Variants in TUBGCP3 observed in about 807,000 individuals in gnomAD.
TUBGCP3 encodes the protein gamma-tubulin complex component 3.
A neutral mutation model predicts 123.1 loss-of-function variants in TUBGCP3; 50 were observed. That is an observed-to-expected ratio of 0.41 (90% CI 0.32 to 0.51). The LOEUF is 0.51. Among genes scored for constraint, TUBGCP3 ranks in the 20% least tolerant of loss-of-function variants. TUBGCP3 has a pLI of 0.36. For synonymous variants in TUBGCP3, 405 were observed against 413.9 expected, an observed-to-expected ratio of 0.98 and a Z score of 0.26; for missense variants, 882 against 1,127.0, an observed-to-expected ratio of 0.78 and a Z score of 3.11.
intron 3 of TUBGCP3, among the ~76,000 whole-genome samples, chr13:112,560,286 T>C (rs1015368679): frequency 4.5e-4 from 68 of 151,016 alleles, no homozygotes; most frequent in Non-Finnish European, 6.2e-4. Flanking sequence ...AAAAATTAGC[T>C]GGGCGTAGTG....
chr13:112,492,190 A>G (rs1397346626), intron 20 of TUBGCP3, among the ~76,000 whole-genome samples: 2 of 152,134 alleles, frequency 1.3e-5, no homozygotes, highest in Non-Finnish European at 2.9e-5. Flanking sequence ...TTTTAGAAAC[A>G]TTCTATTCAT....
intron 17 of TUBGCP3, among the ~76,000 whole-genome samples, chr13:112,510,859 G>C (rs1881631983): frequency 6.6e-6 from 1 of 152,124 alleles, no homozygotes; most frequent in African/African-American, 2.4e-5. Context: ...ATCTGTATTT[G>C]TATGTTTCAC....
Position 112,554,992 on chromosome 13 carries a change from A to C in TUBGCP3, c.735T>G (p.Ile245Met). 6.2e-7 allele frequency: 1 copy of C among 1,601,532 alleles called. No individual in the cohort carries two copies. Among genetic ancestry groups the C allele is most frequent in the Non-Finnish European group, 8.5e-7 (1 of 1,175,552 alleles). ...TGTCCCTTACCAGAGCTGCTTCTGT[A>C]ATTTCCATAGTACCTGCAAAATCAT... is the stretch of plus-strand genomic sequence containing the variant. ...REGDTGGTME[I>M]TEAALVRDIL... Residue 245 changes from isoleucine (I) to methionine (M), a missense_variant, in exon 7 of 22, where the codon ATT (isoleucine) becomes ATG (methionine). Ile to Met is a conservative substitution (Grantham distance 10). Around this residue, in one of 3 missense-constraint regions of TUBGCP3, gnomAD observed 713 missense variants for 874.0 expected, o/e 0.82. Transcript: ENST00000261965.
chr13:112,558,113 T>C (rs753516944), intron 5 of TUBGCP3, 83 bp downstream of exon 5: 67 of 1,442,428 alleles, frequency 4.6e-5, no homozygotes, highest in Non-Finnish European at 6.1e-5. Context: ...ATACTGTGGG[T>C]GAACATCAAT....
At chr13:112,555,508 T>C (rs1314871303) in intron 6 of TUBGCP3, among the ~76,000 whole-genome samples, 1 of 152,190 alleles carries the variant, frequency 6.6e-6, no homozygotes, top group Non-Finnish European at 1.5e-5. Flanking sequence ...GTGTTCTCAA[T>C]AAAGAAACTC....
intron 17 of TUBGCP3, among the ~76,000 whole-genome samples, chr13:112,515,347 G>C (rs541127252): frequency 3.3e-5 from 5 of 152,208 alleles, no homozygotes; most frequent in African/African-American, 1.2e-4. Flanking sequence ...ATGCTGCCTC[G>C]TGAAGGGGGC....
chr13:112,487,059 GTGTGTGTGTGTGTGTGTGTGTGTC>G (rs1216582584), intron 21 of TUBGCP3, among the ~76,000 whole-genome samples: 1 of 144,386 alleles, frequency 6.9e-6, no homozygotes, highest in African/African-American at 2.5e-5. Flanking sequence ...GTGTATGTGT[GTGTGTGTGTGTGTGTGTGTGTGTC>G]TGTGTGTGTG....
chr13:112,600,837 TAA>T, the TUBGCP3 span, among the ~76,000 whole-genome samples: 1 of 152,156 alleles, frequency 6.6e-6, no homozygotes, highest in Non-Finnish European at 1.5e-5. Context: ...TGAGGCATAT[TAA>T]GTTTTTGAGT....
In TUBGCP3 at chr13:112,549,989, C is replaced by CAA. The variant is rs750596642; in HGVS notation, c.967-1815_967-1814dup. Reference sequence around the variant, plus strand: ...TGGGCGACAGGGTGAGACTCCATCTCAAAAAAAAAAAAAAAAAAAAAAAAA... The same window carrying CAA: ...TGGGCGACAGGGTGAGACTCCATCTCAAAAAAAAAAAAAAAAAAAAAAAAAAA... On this transcript the variant is annotated intron_variant, in intron 8 of 21. Coordinates refer to ENST00000261965, the MANE Select transcript of TUBGCP3 (RefSeq NM_006322.6). Among the ~76,000 whole-genome samples the CAA allele has an allele frequency of 3.6e-3, 144 of 40,186 alleles. 4 individuals carry two copies. The highest frequency in any genetic ancestry group is 4.2e-3 in the Non-Finnish European group (98 of 23,594). 26.4% of individuals were successfully genotyped at this position (40,186 alleles called of 152,430 possible). A position where few individuals can be genotyped will look rare whatever the true frequency, so the allele number is the denominator to read the frequency against.
intron 11 of TUBGCP3, among the ~76,000 whole-genome samples, chr13:112,538,191 A>C (rs1878225190): frequency 6.6e-6 from 1 of 152,178 alleles, no homozygotes; most frequent in Non-Finnish European, 1.5e-5. Flanking sequence ...TGCTCAAAAA[A>C]TCCAAGCATC....
At chr13:112,565,927 T>C (rs1880922304) in intron 2 of TUBGCP3, among the ~76,000 whole-genome samples, 1 of 135,374 alleles carries the variant, frequency 7.4e-6, no homozygotes. Context: ...AGAGCGAGAC[T>C]CTGTCTCAAA....
At chr13:112,564,826 C>A (rs1880828436) in intron 3 of TUBGCP3, among the ~76,000 whole-genome samples, 1 of 152,164 alleles carries the variant, frequency 6.6e-6, no homozygotes. Flanking sequence ...TACCAATGTG[C>A]TTCCTCCCAG....
intron 8 of TUBGCP3, among the ~76,000 whole-genome samples, chr13:112,550,427 A>G (rs1418601771): frequency 2.0e-5 from 3 of 152,206 alleles, no homozygotes; most frequent in Non-Finnish European, 4.4e-5. Flanking sequence ...AAAACATACT[A>G]ATTTTGTAGA....
At chr13:112,529,611 T>C (rs868553394) in intron 11 of TUBGCP3, among the ~76,000 whole-genome samples, 2 of 152,158 alleles carry the variant, frequency 1.3e-5, no homozygotes, top group African/African-American at 2.4e-5. Context: ...CTGCCCTACT[T>C]TTCTGCTATA....
At chr13:112,513,135 C>G (rs1215760230) in intron 17 of TUBGCP3, among the ~76,000 whole-genome samples, 2 of 152,164 alleles carry the variant, frequency 1.3e-5, no homozygotes, top group Admixed American at 6.5e-5. Flanking sequence ...CTCCCCACCC[C>G]ACACAAAGGC....
intron 8 of TUBGCP3, among the ~76,000 whole-genome samples, chr13:112,550,734 T>C (rs929895549): frequency 6.6e-6 from 1 of 152,168 alleles, no homozygotes; most frequent in African/African-American, 2.4e-5. Flanking sequence ...GCATCACTCT[T>C]TACCAAAACT....
intron 20 of TUBGCP3, among the ~76,000 whole-genome samples, chr13:112,491,954 C>A (rs1281121911): frequency 6.6e-6 from 1 of 152,230 alleles, no homozygotes; most frequent in Non-Finnish European, 1.5e-5. Flanking sequence ...TGATGTACAT[C>A]TGCTCTTAGT....
the TUBGCP3 span, among the ~76,000 whole-genome samples, chr13:112,601,513 G>A: frequency 6.6e-6 from 1 of 152,218 alleles, no homozygotes; most frequent in East Asian, 1.9e-4. Context: ...AGGACTGGAT[G>A]AGGTAACGAG....
intron 19 of TUBGCP3, among the ~76,000 whole-genome samples, chr13:112,501,786 T>G (rs979999960): frequency 3.3e-5 from 5 of 152,142 alleles, no homozygotes; most frequent in Admixed American, 1.3e-4. Context: ...TTCAACGACG[T>G]CAGGTGGGAC....
Sources: allele counts gnomAD v4.1 joint callset (sites outside exome capture counted in the v4.1 genomes callset), GRCh38; gene constraint gnomAD v4.1.1; regional missense constraint gnomAD v4.1.1; transcripts MANE v1.5; gene names NCBI Gene and HGNC (gene_info 2026-07-23, HGNC 2026-07-21).